RREB1: variants seen among roughly 807,000 people sequenced by gnomAD.
The protein encoded by RREB1 is ras responsive element binding protein 1, also known as ras-responsive element-binding protein 1.
A neutral mutation model predicts 117.8 loss-of-function variants in RREB1; 27 were observed. The ratio of observed to expected loss-of-function variants is 0.23; its 90% CI spans 0.17 to 0.32. RREB1 has a LOEUF of 0.32. RREB1 is among the 10% of genes least tolerant of loss of function. The pLI is 1.00. For synonymous variants in RREB1, 1,298 were observed against 1,026.7 expected, an observed-to-expected ratio of 1.26 and a Z score of -5.05; for missense variants, 2,577 against 2,378.2, an observed-to-expected ratio of 1.08 and a Z score of -1.74.
At chr6:7,196,218 G>GTTTTTTTTTTTTTTTTTTTT (rs58448175) in intron 6 of RREB1, among the ~76,000 whole-genome samples, 1 of 121,470 alleles carries the variant, frequency 8.2e-6, no homozygotes, top group Non-Finnish European at 1.7e-5. Context: ...TTTTTTTTTC[G>GTTTTTTTTTTTTTTTTTTTT]TTTTTTTTTT....
intron 6 of RREB1, among the ~76,000 whole-genome samples, chr6:7,208,335 G>GC (rs1404379574): frequency 6.6e-6 from 1 of 152,216 alleles, no homozygotes; most frequent in African/African-American, 2.4e-5. Context: ...GGGAAGCAGA[G>GC]CAGGGGTCAG....
At chr6:7,133,019 G>A (rs1762216068) in intron 1 of RREB1, among the ~76,000 whole-genome samples, 1 of 152,190 alleles carries the variant, frequency 6.6e-6, no homozygotes, top group African/African-American at 2.4e-5. Context: ...GGTGATAGGA[G>A]TTCACATCTA....
chr6:7,197,618 A>G (rs1765737387), intron 6 of RREB1, among the ~76,000 whole-genome samples: 1 of 152,232 alleles, frequency 6.6e-6, no homozygotes, highest in South Asian at 2.1e-4. Context: ...GTGAGCTGAG[A>G]TCACGCCGCT....
At chr6:7,121,105 T>G (rs1761662276) in intron 1 of RREB1, among the ~76,000 whole-genome samples, 1 of 152,134 alleles carries the variant, frequency 6.6e-6, no homozygotes, top group South Asian at 2.1e-4. Flanking sequence ...ATTACAGGCG[T>G]GAGCCACTGC....
chr6:7,114,739 C>G (rs1262708861), intron 1 of RREB1, among the ~76,000 whole-genome samples: 1 of 152,156 alleles, frequency 6.6e-6, no homozygotes, highest in East Asian at 1.9e-4. Context: ...CCATGGTTGG[C>G]AAGTTCGAAG....
chr6:7,244,935 T>TA (rs1768916187), intron 11 of RREB1, among the ~76,000 whole-genome samples: 1 of 152,200 alleles, frequency 6.6e-6, no homozygotes, highest in African/African-American at 2.4e-5. Flanking sequence ...ACATTGTAGT[T>TA]ACACCTGATC....
At chr6:7,145,907 A>G (rs1762831346) in intron 1 of RREB1, among the ~76,000 whole-genome samples, 1 of 152,084 alleles carries the variant, frequency 6.6e-6, no homozygotes, top group African/African-American at 2.4e-5. Flanking sequence ...TTTGCCAGAA[A>G]GGAGTTAACA....
chr6:7,232,328 T>G (rs1190894111), intron 10 of RREB1, among the ~76,000 whole-genome samples: 1 of 152,244 alleles, frequency 6.6e-6, no homozygotes, highest in East Asian at 1.9e-4. Context: ...TGACATTCCA[T>G]TCCAGTGTCC....
At chr6:7,119,659 G>A (rs1761579835) in intron 1 of RREB1, among the ~76,000 whole-genome samples, 1 of 152,192 alleles carries the variant, frequency 6.6e-6, no homozygotes, top group Non-Finnish European at 1.5e-5. Context: ...TTACAGGGAT[G>A]GTGCGGTAGA....
At chr6:7,191,975 G>A (rs992903069) in intron 6 of RREB1, among the ~76,000 whole-genome samples, 2 of 152,034 alleles carry the variant, frequency 1.3e-5, no homozygotes, top group Non-Finnish European at 1.5e-5. Flanking sequence ...TAAGGAGAAG[G>A]CATTCAGTCT....
At chr6:7,184,694 C>G (rs1470095823) in intron 4 of RREB1, 1 of 152,072 alleles carries the variant, frequency 6.6e-6, no homozygotes, top group Middle Eastern at 3.2e-3. Context: ...CATGAGTCAC[C>G]CCAGAGTCAA....
Position 7,246,601 on chromosome 6 carries a change from G to A in RREB1, c.4151G>A (p.Arg1384His), listed in dbSNP as rs34964470. 284 of 1,558,896 alleles carry A rather than the reference G, an allele frequency of 1.8e-4. 1 individual carries two copies. The East Asian group carries it at 2.6e-3, about 14-fold the overall frequency. ...CCGGTGCACCGGGAAGAGCACGGGCGTGGGGAGAGCCATGAGCCGGAGGAG... is the reference window on the plus strand; with the variant it reads ...CCGGTGCACCGGGAAGAGCACGGGCATGGGGAGAGCCATGAGCCGGAGGAG... ...ASPVHREEHG[R>H]GESHEPEEEH... Residue 1384 changes from arginine (R) to histidine (H), a missense_variant, in exon 12 of 13, where the codon CGT becomes CAT. Arg to His is a conservative substitution (Grantham distance 29). Transcript: ENST00000379938.
At position 7,230,808 on chromosome 6, in the gene RREB1, G is replaced by C. The variant is rs775391469; in HGVS notation, c.2709G>C (p.Ser903=). ...AVDFNEPLDF[S]QKGLALVQVK... ...ACTTCAATGAGCCCCTGGACTTCTC[G>C]CAGAAGGGCCTGGCCCTGGTCCAAG... Residue 903 remains serine, a synonymous_variant, in exon 10 of 13, where the codon TCG becomes TCC. Transcript: ENST00000379938. The C allele has an allele frequency of 2.5e-6, 4 of 1,614,068 alleles. No individual in the cohort carries two copies. Among genetic ancestry groups the C allele is most frequent in the Non-Finnish European group, 3.4e-6 (4 of 1,180,026 alleles).
rs920201462 is a variant in RREB1, at chr6:7,251,154, T to C, written c.*2186T>C. The C allele has an allele frequency of 4.6e-5, 7 of 152,184 alleles. No individual in the cohort carries two copies. The highest frequency in any genetic ancestry group is 1.7e-4 in the African/African-American group (7 of 41,434). The allele number at this position is 152,184 out of a possible 1,614,324, so 9.4% of individuals were successfully genotyped here. A position where few individuals can be genotyped will look rare whatever the true frequency, so the allele number is the denominator to read the frequency against. On this transcript the variant is annotated 3_prime_UTR_variant, in exon 13 of 13. Transcript: ENST00000379938. Reference sequence around the variant, plus strand: ...ATCAGCTCCCAGCGACGTGTGTAGCTGGGGCTGCCGCTCGCAATAATCACT... The same window carrying C: ...ATCAGCTCCCAGCGACGTGTGTAGCCGGGGCTGCCGCTCGCAATAATCACT...
intron 1 of RREB1, among the ~76,000 whole-genome samples, chr6:7,110,960 C>T (rs1244559086): frequency 1.3e-5 from 2 of 152,216 alleles, no homozygotes; most frequent in Admixed American, 6.5e-5. Flanking sequence ...GGGGAACATG[C>T]GTCTTATTGA....
At chr6:7,131,968 C>T (rs1363247725) in intron 1 of RREB1, among the ~76,000 whole-genome samples, 1 of 151,738 alleles carries the variant, frequency 6.6e-6, no homozygotes, top group Non-Finnish European at 1.5e-5. Flanking sequence ...CTGTGATTGT[C>T]GTGCCTCAGC....
chr6:7,245,301 A>C (rs1010206038), intron 11 of RREB1, among the ~76,000 whole-genome samples: 1 of 152,196 alleles, frequency 6.6e-6, no homozygotes, highest in Non-Finnish European at 1.5e-5. Context: ...AGGCTGAGGC[A>C]GGAGAATTGC....
chr6:7,170,471 G>C (rs1581484336), intron 1 of RREB1, among the ~76,000 whole-genome samples: 1 of 152,210 alleles, frequency 6.6e-6, no homozygotes, highest in East Asian at 1.9e-4. Flanking sequence ...CAGGTTTGGA[G>C]GTGATCCACA....
At chr6:7,239,530 A>G (rs1361433953) in intron 10 of RREB1, among the ~76,000 whole-genome samples, 2 of 152,206 alleles carry the variant, frequency 1.3e-5, no homozygotes, top group East Asian at 3.8e-4. Context: ...TGTTTACAGC[A>G]CAAAAGGAAT....
Sources: allele counts gnomAD v4.1 joint callset (sites outside exome capture counted in the v4.1 genomes callset), GRCh38; gene constraint gnomAD v4.1.1; transcripts MANE v1.5; gene names NCBI Gene and HGNC (gene_info 2026-07-23, HGNC 2026-07-21).